Variants in TAOK3 observed in about 807,000 individuals in gnomAD.
TAOK3 encodes the protein TAO kinase 3.
Under a neutral mutation model 120.4 loss-of-function variants are expected in TAOK3, and 40 were observed. The observed-to-expected ratio is 0.33, with a 90% confidence interval of 0.26 to 0.43. The LOEUF is 0.43. Among genes scored for constraint, TAOK3 ranks in the 20% least tolerant of loss-of-function variants. The probability of loss-of-function intolerance (pLI) is 1.00; values close to 1 mark genes in which losing one functional copy is unlikely to be tolerated. For synonymous variants in TAOK3, 355 were observed against 387.5 expected (o/e 0.92, Z 0.99); for missense variants, 821 against 1,112.1 (o/e 0.74, Z 3.72).
chr12:118,359,980 A>C (rs751333630), intron 1 of TAOK3, among the ~76,000 whole-genome samples: 2 of 152,142 alleles, frequency 1.3e-5, no homozygotes, highest in Non-Finnish European at 2.9e-5. Context: ...TTAAGAATGT[A>C]TGTGGTCAGG....
intron 9 of TAOK3, among the ~76,000 whole-genome samples, chr12:118,225,003 T>G (rs1424706954): frequency 6.6e-6 from 1 of 151,948 alleles, no homozygotes; most frequent in African/African-American, 2.4e-5. Context: ...ATCCCAGCAC[T>G]TTGGGAGGCT....
At chr12:118,171,351 CT>C (rs887827478) in intron 17 of TAOK3, among the ~76,000 whole-genome samples, 1 of 151,988 alleles carries the variant, frequency 6.6e-6, no homozygotes, top group African/African-American at 2.4e-5. Context: ...AGCACTAATT[CT>C]TTTGTTTGTT....
chr12:118,341,708 CTA>C (rs2044627245), intron 1 of TAOK3, among the ~76,000 whole-genome samples: 3 of 152,150 alleles, frequency 2.0e-5, no homozygotes, highest in African/African-American at 7.2e-5. Context: ...AGGAATTCCA[CTA>C]AACCATGCTA....
chr12:118,321,830 CA>C (rs2043718878), intron 1 of TAOK3, among the ~76,000 whole-genome samples: 1 of 151,740 alleles, frequency 6.6e-6, no homozygotes, highest in Non-Finnish European at 1.5e-5. Context: ...TTTATTTTTG[CA>C]AGTTTTTTTT....
chr12:118,160,039 A>C lies in TAOK3; in HGVS notation c.2352+107T>G, dbSNP rs2035114309. On this transcript the variant is annotated intron_variant, in intron 19 of 20. Transcript: ENST00000392533. This position sits in a 1 kb window ranked among gnomAD's most constrained non-coding sequence, Gnocchi z 4.2. ...TCAGTCCTTTGGGCAGAAAAACATC[A>C]ATATCCTAAATTTGTGCAAGAATCA... The C allele has an allele frequency of 1.7e-5, 16 of 969,268 alleles. No individual in the cohort carries two copies. Among genetic ancestry groups the C allele is most frequent in the Non-Finnish European group, 2.3e-5 (14 of 618,380 alleles). 60.0% of individuals were successfully genotyped at this position (969,268 alleles called of 1,614,324 possible).
intron 1 of TAOK3, among the ~76,000 whole-genome samples, chr12:118,296,517 A>G (rs2042687357): frequency 2.0e-5 from 3 of 152,206 alleles, no homozygotes; most frequent in South Asian, 4.1e-4. Context: ...GGGAAAAAAG[A>G]ATGGGACGGG....
At chr12:118,219,970 C>G (rs377430373) in intron 9 of TAOK3, among the ~76,000 whole-genome samples, 19 of 150,312 alleles carry the variant, frequency 1.3e-4, no homozygotes, top group Middle Eastern at 6.9e-3. Flanking sequence ...AACCCTCCCC[C>G]CTTCCTTCCT....
chr12:118,243,511 C>A lies in TAOK3; in HGVS notation c.198G>T (p.Trp66Cys). 1.4e-6 allele frequency: 2 copies of A among 1,423,350 alleles called. No individual in the cohort carries two copies. Among genetic ancestry groups the A allele is most frequent in the South Asian group, 1.4e-5 (1 of 73,298 alleles). The allele number at this position is 1,423,350 out of a possible 1,614,324, so 88.2% of individuals were successfully genotyped here. ...ATTTAACTTCCTTAAGAATATCTTGCCATTTCTATTGAAGTCAGAAAAGGA... is the reference window on the plus strand; with the variant it reads ...ATTTAACTTCCTTAAGAATATCTTGACATTTCTATTGAAGTCAGAAAAGGA... ...SYSGKQTHEK[W>C]QDILKEVKFL... Residue 66 changes from tryptophan to cysteine, a missense_variant, in exon 5 of 21, where the codon TGG becomes TGT. Physicochemically the swap from Trp to Cys is radical, Grantham distance 215. Coordinates refer to ENST00000392533, the MANE Select transcript of TAOK3 (RefSeq NM_016281.4).
chr12:118,290,612 CT>C (rs2042435212), intron 1 of TAOK3, among the ~76,000 whole-genome samples: 1 of 152,212 alleles, frequency 6.6e-6, no homozygotes, highest in Non-Finnish European at 1.5e-5. Context: ...GCCACCCAGG[CT>C]AGAGTACAGT....
chr12:118,259,598 A>G (rs539789000), intron 2 of TAOK3, among the ~76,000 whole-genome samples: 3 of 152,318 alleles, frequency 2.0e-5, no homozygotes, highest in African/African-American at 7.2e-5. Context: ...GTATTTGAAG[A>G]CAATGGATAT....
At chr12:118,218,929 G>T (rs1039147673) in intron 9 of TAOK3, among the ~76,000 whole-genome samples, 1 of 152,050 alleles carries the variant, frequency 6.6e-6, no homozygotes, top group Non-Finnish European at 1.5e-5. Flanking sequence ...CTCCAGCCTG[G>T]GTGACAGAGT....
chr12:118,153,408 A>AT (rs1190568690), intron 19 of TAOK3, among the ~76,000 whole-genome samples: 3 of 152,102 alleles, frequency 2.0e-5, no homozygotes, highest in African/African-American at 7.2e-5. Flanking sequence ...ACTTTGTCTC[A>AT]TAAAAAAAAA....
At position 118,199,014 on chromosome 12, in the gene TAOK3, CAAAGCTCA is replaced by C. The variant is rs754047023; in HGVS notation, c.1194+29_1194+36del. 1.3e-5 allele frequency: 21 copies of C among 1,611,362 alleles called. No individual in the cohort carries two copies. The South Asian group carries it at 1.5e-4, about 12-fold the overall frequency. On this transcript the variant is annotated intron_variant, in intron 13 of 20. Coordinates refer to ENST00000392533, the MANE Select transcript of TAOK3 (RefSeq NM_016281.4). ...CTTGAACTGGATTCGCTATGATTGA[CAAAGCTCA>C]CCTCTGTGGAGGGTACCAAGAAACC...
At chr12:118,151,399 C>T (rs983005497) in intron 20 of TAOK3, among the ~76,000 whole-genome samples, 2 of 152,056 alleles carry the variant, frequency 1.3e-5, no homozygotes, top group Non-Finnish European at 2.9e-5. Flanking sequence ...AACTTGCTCA[C>T]AAGAATATCA....
intron 3 of TAOK3, 45 bp from the exon 4 acceptor site, chr12:118,245,010 T>G (rs375327389): frequency 7.7e-5 from 101 of 1,313,300 alleles, no homozygotes; most frequent in Non-Finnish European, 1.0e-4. Context: ...TTAGTGATGT[T>G]TCAGCCAATT....
At chr12:118,227,284 T>C (rs939410189) in intron 9 of TAOK3, among the ~76,000 whole-genome samples, 23 of 147,724 alleles carry the variant, frequency 1.6e-4, no homozygotes, top group Non-Finnish European at 2.5e-4. Flanking sequence ...AATTTTATAA[T>C]ATAAATTTAT....
At chr12:118,369,919 G>C (rs528381552) in intron 1 of TAOK3, among the ~76,000 whole-genome samples, 3 of 152,238 alleles carry the variant, frequency 2.0e-5, no homozygotes, top group African/African-American at 7.2e-5. Context: ...TCTGTCGCCA[G>C]GCTGGAGTGC....
At chr12:118,222,416 C>G (rs993260189) in intron 9 of TAOK3, among the ~76,000 whole-genome samples, 2 of 151,846 alleles carry the variant, frequency 1.3e-5, no homozygotes, top group Non-Finnish European at 2.9e-5. Context: ...GCCTGTAGTC[C>G]CAGCTACTTG....
At chr12:118,253,405 T>C (rs967478742) in intron 3 of TAOK3, among the ~76,000 whole-genome samples, 5 of 152,206 alleles carry the variant, frequency 3.3e-5, no homozygotes, top group African/African-American at 1.2e-4. Flanking sequence ...TTTGCTTTAA[T>C]GGACTATTAT....
Sources: gnomAD v4.1 joint callset for allele counts (sites outside exome capture counted in the v4.1 genomes callset) on GRCh38, gnomAD v4.1.1 for gene constraint, Gnocchi (gnomAD v3.1) non-coding constraint, MANE v1.5 for transcripts, NCBI Gene and HGNC (gene_info 2026-07-23, HGNC 2026-07-21) for gene names.